Variants in ATG4A observed in about 807,000 individuals in gnomAD.
The protein encoded by ATG4A is cysteine protease ATG4A.
Under a neutral mutation model 38.4 loss-of-function variants are expected in ATG4A, and 22 were observed. The ratio of observed to expected loss-of-function variants is 0.57; its 90% CI spans 0.41 to 0.82. The LOEUF (loss-of-function observed/expected upper bound fraction) is 0.82. Ranked by LOEUF, ATG4A falls within the 40% of genes least tolerant of loss-of-function variation. The probability of loss-of-function intolerance (pLI) is 0.00; values close to 1 mark genes in which losing one functional copy is unlikely to be tolerated. For missense variants in ATG4A, 220 were observed against 290.0 expected (o/e 0.76, Z 1.75); for synonymous variants, 86 against 100.7 (o/e 0.85, Z 0.88).
chrX:108,123,934 T>A (rs1260357263), intron 1 of ATG4A, among the ~76,000 whole-genome samples: 1 of 112,758 alleles, frequency 8.9e-6, no homozygotes, highest in African/African-American at 3.2e-5. Context: ...ATTCATCCAA[T>A]GCCATCCATC....
upstream of ATG4A, chrX:108,091,283 T>C (rs780670693): frequency 3.4e-5 from 21 of 621,092 alleles, no homozygotes; most frequent in Non-Finnish European, 4.5e-5. Context: ...GGGGGACTGC[T>C]TGGGGCGGCG....
chrX:108,153,558 T>G, intron 12 of ATG4A, 84 bp from the exon 13 acceptor site: 2 of 742,735 alleles, frequency 2.7e-6, no homozygotes, highest in Non-Finnish European at 4.1e-6. Flanking sequence ...AAATGCTTAG[T>G]CTTAACTACT....
rs1055119430 is a variant in ATG4A at position 108,151,860 on chromosome X, T to C, written c.1017+2T>C. 2 of 1,193,419 alleles carry C rather than the reference T, an allele frequency of 1.7e-6. No individual in the cohort carries two copies. Among genetic ancestry groups the C allele is most frequent in the Non-Finnish European group, 2.3e-6 (2 of 882,625 alleles). On this transcript the variant is annotated splice_donor_variant, in intron 11 of 12. Coordinates refer to ENST00000372232, the MANE Select transcript of ATG4A (RefSeq NM_052936.5). LOFTEE classifies it high-confidence loss of function. The stretch of plus-strand genomic sequence containing the variant: ...AACTGGTGTAGCCTTGTTCAGAAGG[T>C]AAAGCTATATGTTTTTCTTAGTCTG...
chrX:108,118,828 G>T (rs1175520536), intron 1 of ATG4A, among the ~76,000 whole-genome samples: 2 of 111,845 alleles, frequency 1.8e-5, no homozygotes, highest in African/African-American at 3.3e-5. Flanking sequence ...TCCTCCTTTT[G>T]TGCATTTTGA....
At chrX:108,125,016 A>G (rs1358083045) in intron 1 of ATG4A, among the ~76,000 whole-genome samples, 1 of 111,557 alleles carries the variant, frequency 9.0e-6, no homozygotes, top group Admixed American at 9.5e-5. Context: ...CTTGAAATAT[A>G]TTTTCTCATA....
intron 11 of ATG4A, among the ~76,000 whole-genome samples, chrX:108,152,227 C>T (rs1346302398): frequency 9.0e-6 from 1 of 111,671 alleles, no homozygotes; most frequent in African/African-American, 3.3e-5. Flanking sequence ...TAAGACTATG[C>T]CTTTTATTTT....
In ATG4A at chrX:108,099,426, T is replaced by C. The variant is rs2031933777; in HGVS notation, c.10+7590T>C. On this transcript the variant is annotated intron_variant, in intron 1 of 12. Transcript: ENST00000372232. The stretch of plus-strand genomic sequence containing the variant: ...TTGTCAGATATGTAGCTTGCAAATA[T>C]TCTCTTCCAGTCTGTGGCTTGTCTT... 2.7e-5 allele frequency among the ~76,000 whole-genome samples: 3 copies of C among 111,842 alleles called. No homozygotes were observed. The South Asian group carries it at 1.1e-3, about 42-fold the overall frequency.
At chrX:108,121,676 A>G (rs2032653388) in intron 1 of ATG4A, among the ~76,000 whole-genome samples, 1 of 111,260 alleles carries the variant, frequency 9.0e-6, no homozygotes, top group African/African-American at 3.3e-5. Flanking sequence ...GGAATTAATT[A>G]CTGTATTTAT....
intron 9 of ATG4A, among the ~76,000 whole-genome samples, chrX:108,148,954 G>A (rs1382439165): frequency 1.8e-5 from 2 of 112,608 alleles, no homozygotes; most frequent in Non-Finnish European, 3.7e-5. Context: ...ATTTCACAGA[G>A]GTGAAATCTT....
At chrX:108,098,256 C>A (rs780932713) in intron 1 of ATG4A, among the ~76,000 whole-genome samples, 2 of 111,999 alleles carry the variant, frequency 1.8e-5, no homozygotes, top group East Asian at 5.6e-4. Flanking sequence ...GATTCCTTCA[C>A]AAAACTGGCA....
chrX:108,100,104 C>G (rs754992770), intron 1 of ATG4A, among the ~76,000 whole-genome samples: 1 of 111,518 alleles, frequency 9.0e-6, no homozygotes, highest in East Asian at 2.8e-4. Context: ...ATGTCTCTCC[C>G]TTTATTTAGA....
At chrX:108,147,775 G>T (rs1428087015) in intron 9 of ATG4A, among the ~76,000 whole-genome samples, 4 of 109,878 alleles carry the variant, frequency 3.6e-5, no homozygotes, top group Admixed American at 2.0e-4. Context: ...GATGATTCAG[G>T]TGTGTCAAAT....
chrX:108,124,765 T>TA (rs2032756567), intron 1 of ATG4A, among the ~76,000 whole-genome samples: 1 of 112,536 alleles, frequency 8.9e-6, no homozygotes, highest in South Asian at 3.7e-4. Flanking sequence ...ATTTTTTTTT[T>TA]ATCAGAACAG....
At chrX:108,107,088 AT>A (rs933448580) in intron 1 of ATG4A, among the ~76,000 whole-genome samples, 2 of 109,843 alleles carry the variant, frequency 1.8e-5, no homozygotes, top group African/African-American at 3.3e-5. Flanking sequence ...ATTTTCACCT[AT>A]TTTTTTTTAA....
Position 108,134,073 on chromosome X carries a change from A to G in ATG4A, c.309A>G (p.Lys103=). The change falls in exon 5 of 13, where the codon AAA becomes AAG. Residue 103 remains lysine (K), a synonymous_variant. Coordinates refer to ENST00000372232, the MANE Select transcript of ATG4A (RefSeq NM_052936.5). ...CTTAAAAAGACTGGAGCTGGGAGAA[A>G]CAAAAAGAACAACCCAAAGAATACC... ...RHLGRDWSWE[K]QKEQPKEYQR... is the part of the protein sequence containing the mutation. The G allele has an allele frequency of 8.3e-7, 1 of 1,201,866 alleles. No homozygotes were observed. The highest frequency in any genetic ancestry group is 1.1e-6 in the Non-Finnish European group (1 of 892,685).
intron 4 of ATG4A, among the ~76,000 whole-genome samples, chrX:108,133,108 C>T (rs2033006707): frequency 8.9e-6 from 1 of 111,853 alleles, no homozygotes; most frequent in South Asian, 3.8e-4. Context: ...TGTGCTGGAT[C>T]CAAAGTTAAA....
At chrX:108,127,470 C>T (rs147447488) in intron 2 of ATG4A, among the ~76,000 whole-genome samples, 1 of 111,831 alleles carries the variant, frequency 8.9e-6, no homozygotes, top group East Asian at 2.8e-4. Context: ...GAAGTAGGTA[C>T]TATAATTCTC....
chrX:108,147,713 G>A (rs2033457429), intron 9 of ATG4A, among the ~76,000 whole-genome samples: 1 of 110,807 alleles, frequency 9.0e-6, no homozygotes, highest in Non-Finnish European at 1.9e-5. Flanking sequence ...GGTTTTCCAC[G>A]TATGGTCAAT....
intron 4 of ATG4A, among the ~76,000 whole-genome samples, chrX:108,131,849 G>C (rs186551389): frequency 1.6e-4 from 18 of 111,683 alleles, no homozygotes; most frequent in African/African-American, 3.9e-4. Context: ...CTTTAAATTT[G>C]CTTCCTTGGG....
Sources: gnomAD v4.1 joint callset for allele counts (sites outside exome capture counted in the v4.1 genomes callset) on GRCh38, gnomAD v4.1.1 for gene constraint, MANE v1.5 for transcripts, NCBI Gene and HGNC (gene_info 2026-07-23, HGNC 2026-07-21) for gene names.